The following ARB2A variants were observed in gnomAD, a reference collection of about 807,000 sequenced individuals.
ARB2A encodes the protein ARB2 cotranscriptional regulator A.
At chr5:93,797,737 T>C in the ARB2A span, among the ~76,000 whole-genome samples, 6 of 152,090 alleles carry the variant, frequency 3.9e-5, no homozygotes, top group Admixed American at 3.9e-4. Context: ...AAAGGCAATA[T>C]ACAAAACAGA....
At chr5:93,975,987 C>A in the ARB2A span, among the ~76,000 whole-genome samples, 1 of 152,076 alleles carries the variant, frequency 6.6e-6, no homozygotes, top group Non-Finnish European at 1.5e-5. Context: ...CCAATCAATC[C>A]TCAACAAAAT....
the ARB2A span, among the ~76,000 whole-genome samples, chr5:93,742,634 T>A: frequency 6.6e-6 from 1 of 152,150 alleles, no homozygotes; most frequent in Non-Finnish European, 1.5e-5. Flanking sequence ...AAACCAACCA[T>A]GATGTGGCTC....
At chr5:93,772,052 A>C in the ARB2A span, among the ~76,000 whole-genome samples, 1 of 152,234 alleles carries the variant, frequency 6.6e-6, no homozygotes, top group East Asian at 1.9e-4. Flanking sequence ...ACTTGGAACC[A>C]ACCCAAATGT....
chr5:94,044,660 T>C, the ARB2A span, among the ~76,000 whole-genome samples: 242 of 152,196 alleles, frequency 1.6e-3, 2 homozygotes, highest in African/African-American at 5.3e-3. Flanking sequence ...GCTGCATTCC[T>C]AGATGGTTAA....
the ARB2A span, chr5:93,621,022 G>A: frequency 1.2e-6 from 2 of 1,611,292 alleles, no homozygotes; most frequent in East Asian, 4.5e-5. Context: ...TGGGAGCGGC[G>A]CGTCACAGCC....
the ARB2A span, among the ~76,000 whole-genome samples, chr5:93,621,666 G>A: frequency 6.6e-6 from 1 of 152,222 alleles, no homozygotes; most frequent in Admixed American, 6.5e-5. Flanking sequence ...GGGGTGGTGT[G>A]GAGGGGAAGG....
chr5:93,737,250 A>G, the ARB2A span: 1 of 152,220 alleles, frequency 6.6e-6, no homozygotes, highest in Admixed American at 6.5e-5. Flanking sequence ...AAAGGCTTGT[A>G]CACTGAAAAC....
chr5:94,039,006 T>G, the ARB2A span, among the ~76,000 whole-genome samples: 1 of 152,180 alleles, frequency 6.6e-6, no homozygotes, highest in South Asian at 2.1e-4. Flanking sequence ...TTTTAGTGCT[T>G]CTATGTCCAA....
At chr5:94,050,874 T>A in the ARB2A span, 1 of 1,292,368 alleles carries the variant, frequency 7.7e-7, no homozygotes, top group Admixed American at 2.1e-5. Context: ...TCAAAGTATA[T>A]TGACAATAAT....
chr5:93,897,963 T>C, the ARB2A span, among the ~76,000 whole-genome samples: 1 of 151,978 alleles, frequency 6.6e-6, no homozygotes. Flanking sequence ...CATTTCTTAA[T>C]CCATTGCTGT....
At chr5:93,958,390 G>C in the ARB2A span, among the ~76,000 whole-genome samples, 23,456 of 151,896 alleles carry the variant, frequency 0.15, 1,901 homozygotes, top group Middle Eastern at 0.23. Context: ...GGTAGGCAAA[G>C]GTTTACAAAA....
chr5:93,966,497 G>C, the ARB2A span, among the ~76,000 whole-genome samples: 1 of 152,064 alleles, frequency 6.6e-6, no homozygotes, highest in Admixed American at 6.6e-5. Flanking sequence ...AAACACGATA[G>C]AGCAAGTCTG....
chr5:93,921,685 T>C, the ARB2A span, among the ~76,000 whole-genome samples: 1 of 152,184 alleles, frequency 6.6e-6, no homozygotes, highest in South Asian at 2.1e-4. Context: ...TACTGTTTTG[T>C]GCACATGCAT....
the ARB2A span, among the ~76,000 whole-genome samples, chr5:94,078,428 C>T: frequency 3.9e-5 from 6 of 152,242 alleles, no homozygotes; most frequent in South Asian, 2.1e-4. Flanking sequence ...AAATATTCAT[C>T]GGTTGCTCAT....
the ARB2A span, among the ~76,000 whole-genome samples, chr5:94,004,673 C>A: frequency 6.6e-6 from 1 of 151,666 alleles, no homozygotes; most frequent in South Asian, 2.1e-4. Context: ...ACAATCAATT[C>A]TTATTATTCC....
the ARB2A span, among the ~76,000 whole-genome samples, chr5:93,633,631 G>T: frequency 6.6e-6 from 1 of 152,084 alleles, no homozygotes; most frequent in African/African-American, 2.4e-5. Flanking sequence ...TAGCTTATGT[G>T]TCTTTAAAAT....
chr5:93,891,326 C>T, the ARB2A span, among the ~76,000 whole-genome samples: 3 of 152,042 alleles, frequency 2.0e-5, no homozygotes, highest in Non-Finnish European at 4.4e-5. Flanking sequence ...CCCCTCCTCC[C>T]TCAATAATAC....
chr5:94,012,686 G>C, the ARB2A span, among the ~76,000 whole-genome samples: 1 of 152,148 alleles, frequency 6.6e-6, no homozygotes, highest in African/African-American at 2.4e-5. Flanking sequence ...TAACTCACGG[G>C]CTTGTAAGCA....
the ARB2A span, among the ~76,000 whole-genome samples, chr5:93,961,089 G>A: frequency 1.3e-5 from 2 of 152,112 alleles, no homozygotes; most frequent in East Asian, 3.9e-4. Flanking sequence ...GAAAGGCAGA[G>A]CTGTCAGTGT....
Sources: gnomAD v4.1 joint callset for allele counts (sites outside exome capture counted in the v4.1 genomes callset) on GRCh38, gnomAD v4.1.1 for gene constraint, MANE v1.5 for transcripts, NCBI Gene and HGNC (gene_info 2026-07-23, HGNC 2026-07-21) for gene names.